KCNH5: variants seen among roughly 807,000 people sequenced by gnomAD.
KCNH5 encodes potassium voltage-gated channel subfamily H member 5, also known as voltage-gated delayed rectifier potassium channel KCNH5.
KCNH5 carries 46 observed loss-of-function variants against 96.1 expected under a neutral mutation model. The ratio of observed to expected loss-of-function variants is 0.48; its 90% CI spans 0.38 to 0.61. KCNH5 has a LOEUF of 0.61. Ranked by LOEUF, KCNH5 falls within the 20% of genes least tolerant of loss-of-function variation. The pLI, the probability that KCNH5 is intolerant of heterozygous loss-of-function variation, is 0.00. For missense variants in KCNH5, 907 were observed against 1,225.8 expected (o/e 0.74, Z 3.88); for synonymous variants, 439 against 449.8 (o/e 0.98, Z 0.30).
intron 7 of KCNH5, among the ~76,000 whole-genome samples, chr14:62,924,434 A>G (rs1889434783): frequency 1.3e-5 from 2 of 152,142 alleles, no homozygotes; most frequent in South Asian, 2.1e-4. Context: ...AATTAAAAAT[A>G]GAACCACCAT....
intron 7 of KCNH5, among the ~76,000 whole-genome samples, chr14:62,867,973 T>C (rs1888167424): frequency 1.3e-5 from 2 of 152,252 alleles, no homozygotes; most frequent in South Asian, 4.1e-4. Flanking sequence ...GACATTGGAT[T>C]GTGAATATGC....
At chr14:63,042,548 G>A (rs777762125) in intron 1 of KCNH5, among the ~76,000 whole-genome samples, 17 of 152,062 alleles carry the variant, frequency 1.1e-4, no homozygotes, top group Non-Finnish European at 2.2e-4. Flanking sequence ...GGAGTGCTGG[G>A]TGCTATTCTT....
chr14:62,787,253 G>C (rs1886338231), intron 9 of KCNH5, among the ~76,000 whole-genome samples: 1 of 152,168 alleles, frequency 6.6e-6, no homozygotes. Flanking sequence ...TAAGGAGAAA[G>C]TTTTAGTGGC....
chr14:62,779,884 G>T lies in KCNH5; in HGVS notation c.1863C>A (p.Thr621=). Residue 621 remains threonine (T), a synonymous_variant, in exon 10 of 11, where the codon ACC becomes ACA. Coordinates refer to ENST00000322893, the MANE Select transcript of KCNH5 (RefSeq NM_139318.5). ...CGTTCGCACATGCATGGGCAAGGGT[G>T]GTTTCCTTCCAGAAGATGTCTCCAA... ...DVFGDIFWKE[T]TLAHACANVR... The T allele has an allele frequency of 1.9e-6, 3 of 1,613,440 alleles. No homozygotes were observed. The highest frequency in any genetic ancestry group is 2.5e-6 in the Non-Finnish European group (3 of 1,179,636).
intron 8 of KCNH5, among the ~76,000 whole-genome samples, chr14:62,819,188 C>T (rs182634862): frequency 4.5e-4 from 69 of 152,226 alleles, no homozygotes; most frequent in South Asian, 2.3e-3. Flanking sequence ...AGGATGGTCT[C>T]GATCTCCTGA....
At chr14:62,886,255 CAACCCAAAAG>C (rs1380653823) in intron 7 of KCNH5, among the ~76,000 whole-genome samples, 1 of 152,158 alleles carries the variant, frequency 6.6e-6, no homozygotes, top group Non-Finnish European at 1.5e-5. Flanking sequence ...TGGAACCCAT[CAACCCAAAAG>C]ATAACAGATA....
rs944319796 is a variant in KCNH5 at position 63,039,777 on chromosome 14, A to T, written c.73+5337T>A. Among the ~76,000 whole-genome samples the T allele has an allele frequency of 2.0e-5, 3 of 152,084 alleles. No homozygotes were observed. The East Asian group carries it at 5.8e-4, about 29-fold the overall frequency. On this transcript the variant is annotated intron_variant, in intron 1 of 10. Coordinates refer to ENST00000322893, the MANE Select transcript of KCNH5 (RefSeq NM_139318.5). ...AATAAATTCTAATAATTAATATAATACATACCTTTTTTCATTTAACTTTCC... is the reference window on the plus strand; with the variant it reads ...AATAAATTCTAATAATTAATATAATTCATACCTTTTTTCATTTAACTTTCC...
chr14:62,983,648 T>C (rs1890652580), intron 5 of KCNH5, among the ~76,000 whole-genome samples: 1 of 152,132 alleles, frequency 6.6e-6, no homozygotes, highest in Non-Finnish European at 1.5e-5. Flanking sequence ...AAAGATGGAA[T>C]GGCATCACCC....
At chr14:63,003,380 A>C (rs1891046760) in intron 3 of KCNH5, among the ~76,000 whole-genome samples, 1 of 146,532 alleles carries the variant, frequency 6.8e-6, no homozygotes, top group South Asian at 2.1e-4. Flanking sequence ...GTGCTCCAGC[A>C]TTGATGACTT....
chr14:62,865,384 G>T (rs1383236220), intron 7 of KCNH5, among the ~76,000 whole-genome samples: 1 of 151,854 alleles, frequency 6.6e-6, no homozygotes, highest in African/African-American at 2.4e-5. Context: ...AAGTTGGACT[G>T]GAGTGGGAAA....
chr14:62,714,214 A>G (rs902186580), intron 10 of KCNH5, among the ~76,000 whole-genome samples: 7 of 152,158 alleles, frequency 4.6e-5, no homozygotes, highest in African/African-American at 1.7e-4. Flanking sequence ...ACCTGAGCTC[A>G]GGAATCTGAG....
At chr14:62,894,585 C>T (rs1233969788) in intron 7 of KCNH5, among the ~76,000 whole-genome samples, 3 of 152,198 alleles carry the variant, frequency 2.0e-5, no homozygotes, top group Non-Finnish European at 4.4e-5. Context: ...ATTCAAACAA[C>T]ACCCCCTAGA....
chr14:62,963,416 T>C (rs1221488793), intron 6 of KCNH5, among the ~76,000 whole-genome samples: 2 of 151,980 alleles, frequency 1.3e-5, no homozygotes, highest in Non-Finnish European at 2.9e-5. Context: ...TTGTGAGGAA[T>C]GGGCTCAAAT....
intron 8 of KCNH5, among the ~76,000 whole-genome samples, chr14:62,834,652 G>A (rs1414204728): frequency 2.6e-5 from 4 of 151,930 alleles, no homozygotes; most frequent in African/African-American, 9.7e-5. Flanking sequence ...GTGGAGGTCA[G>A]CAAACTCTGA....
At chr14:62,868,469 G>C (rs1481440564) in intron 7 of KCNH5, among the ~76,000 whole-genome samples, 1 of 151,846 alleles carries the variant, frequency 6.6e-6, no homozygotes, top group Non-Finnish European at 1.5e-5. Context: ...ATTTATCTTT[G>C]GTCTATTTTT....
chr14:62,868,257 T>G (rs74524976), intron 7 of KCNH5, among the ~76,000 whole-genome samples: 7,631 of 152,268 alleles, frequency 0.05, 635 homozygotes, highest in African/African-American at 0.17. Context: ...AGTCCCAGTG[T>G]GATTCCTCTC....
chr14:62,950,443 C>T lies in KCNH5; in HGVS notation c.1059G>A (p.Val353=). The change falls in exon 7 of 11, where the codon GTG becomes GTA. Residue 353 remains valine (V), a synonymous_variant. Transcript: ENST00000322893. ...EYGAAVLVLL[V]CVFGLVAHWL... ...AGTGGGCCACCAGTCCAAACACACA[C>T]ACCAGGAGCACGAGGACTGCTGCTC... 1.2e-6 allele frequency: 2 copies of T among 1,613,974 alleles called. No individual in the cohort carries two copies. Among genetic ancestry groups the T allele is most frequent in the Non-Finnish European group, 1.7e-6 (2 of 1,179,972 alleles).
intron 10 of KCNH5, among the ~76,000 whole-genome samples, chr14:62,724,004 G>A (rs973939542): frequency 6.6e-6 from 1 of 152,124 alleles, no homozygotes; most frequent in Non-Finnish European, 1.5e-5. Context: ...GCTTTGCCCT[G>A]CCTATTTGGA....
At chr14:62,844,989 A>G (rs1185700144) in intron 8 of KCNH5, among the ~76,000 whole-genome samples, 1 of 152,192 alleles carries the variant, frequency 6.6e-6, no homozygotes, top group Non-Finnish European at 1.5e-5. Flanking sequence ...GCAATTGAAA[A>G]AATATACAGC....
Sources: allele counts gnomAD v4.1 joint callset (sites outside exome capture counted in the v4.1 genomes callset), GRCh38; gene constraint gnomAD v4.1.1; transcripts MANE v1.5; gene names NCBI Gene and HGNC (gene_info 2026-07-23, HGNC 2026-07-21).